CADM2: variants seen among roughly 807,000 people sequenced by gnomAD.
CADM2 encodes the protein cell adhesion molecule 2.
A neutral mutation model predicts 49.8 loss-of-function variants in CADM2; 12 were observed. The ratio of observed to expected loss-of-function variants is 0.24; its 90% confidence interval spans 0.15 to 0.39. The LOEUF is 0.39. Ranked by LOEUF, CADM2 falls within the 10% of genes least tolerant of loss-of-function variation. The pLI, the probability that CADM2 is intolerant of heterozygous loss-of-function variation, is 1.00. For synonymous variants in CADM2, 214 were observed against 175.4 expected, an observed-to-expected ratio of 1.22 and a Z score of -1.74; for missense variants, 378 against 492.3, an observed-to-expected ratio of 0.77 and a Z score of 2.20.
chr3:85,469,165 TGA>T (rs1407650844), intron 1 of CADM2, among the ~76,000 whole-genome samples: 1 of 152,180 alleles, frequency 6.6e-6, no homozygotes, highest in African/African-American at 2.4e-5. Context: ...ACATGGAATA[TGA>T]GAGTTTTTGA....
chr3:85,423,464 G>A (rs1162065367), intron 1 of CADM2, among the ~76,000 whole-genome samples: 1 of 152,038 alleles, frequency 6.6e-6, no homozygotes, highest in Non-Finnish European at 1.5e-5. Flanking sequence ...CTTAGCTTTT[G>A]TCTGTTTGTA....
chr3:85,100,167 T>G (rs542221493), intron 1 of CADM2, among the ~76,000 whole-genome samples: 2 of 152,316 alleles, frequency 1.3e-5, no homozygotes, highest in East Asian at 1.9e-4. Flanking sequence ...ATGGATTTCT[T>G]GTATTTCTTT....
chr3:86,009,831 A>G (rs1462887863), intron 8 of CADM2, among the ~76,000 whole-genome samples: 1 of 151,912 alleles, frequency 6.6e-6, no homozygotes, highest in Non-Finnish European at 1.5e-5. Flanking sequence ...TATATACAAC[A>G]TGATGTTTTG....
chr3:85,823,214 A>G (rs1379886896), intron 3 of CADM2, among the ~76,000 whole-genome samples: 1 of 152,218 alleles, frequency 6.6e-6, no homozygotes, highest in African/African-American at 2.4e-5. Flanking sequence ...CTATGTTATT[A>G]CATAATAAAT....
intron 1 of CADM2, among the ~76,000 whole-genome samples, chr3:84,975,378 G>T (rs2031752389): frequency 1.3e-5 from 2 of 151,482 alleles, no homozygotes; most frequent in South Asian, 2.1e-4. Context: ...ACTTATAAGG[G>T]ATTGCATTTT....
chr3:85,172,832 AAT>A (rs925469756), intron 1 of CADM2, among the ~76,000 whole-genome samples: 3 of 146,926 alleles, frequency 2.0e-5, no homozygotes, highest in African/African-American at 7.4e-5. Context: ...GATTATATAT[AAT>A]ATATATATTA....
At chr3:85,518,240 C>G (rs2060950105) in intron 1 of CADM2, among the ~76,000 whole-genome samples, 1 of 152,202 alleles carries the variant, frequency 6.6e-6, no homozygotes, top group Non-Finnish European at 1.5e-5. Flanking sequence ...ATCCTCCCAC[C>G]TCAGTCTCCC....
At chr3:85,854,790 T>TA (rs2075244068) in intron 3 of CADM2, among the ~76,000 whole-genome samples, 1 of 152,084 alleles carries the variant, frequency 6.6e-6, no homozygotes, top group African/African-American at 2.4e-5. Context: ...AAAACAAATT[T>TA]AAAAACCACA....
intron 1 of CADM2, among the ~76,000 whole-genome samples, chr3:85,500,408 T>G (rs1200346125): frequency 6.6e-6 from 1 of 152,182 alleles, no homozygotes; most frequent in Non-Finnish European, 1.5e-5. Flanking sequence ...TATACTTTAA[T>G]TGGTAAAGTT....
chr3:85,218,525 T>G (rs1455921857), intron 1 of CADM2, among the ~76,000 whole-genome samples: 1 of 152,092 alleles, frequency 6.6e-6, no homozygotes, highest in Non-Finnish European at 1.5e-5. Context: ...AGGTAAAGTG[T>G]ACAGGCTCAC....
intron 8 of CADM2, among the ~76,000 whole-genome samples, chr3:86,018,698 T>A: frequency 6.6e-6 from 1 of 152,214 alleles, no homozygotes; most frequent in Non-Finnish European, 1.5e-5. Flanking sequence ...TCTGTTCATG[T>A]CCTTCGCCCA....
At chr3:85,334,040 A>T (rs2045010258) in intron 1 of CADM2, among the ~76,000 whole-genome samples, 1 of 151,738 alleles carries the variant, frequency 6.6e-6, no homozygotes, top group South Asian at 2.1e-4. Flanking sequence ...AAATGAAATA[A>T]GTGTATATTA....
rs143781107 is a variant in CADM2 at position 85,334,337 on chromosome 3, A to G, written c.61+374669A>G. Among the ~76,000 whole-genome samples, 511 of 151,700 alleles carry G rather than the reference A, an allele frequency of 3.4e-3. 1 individual carries two copies. Among genetic ancestry groups the G allele is most frequent in the South Asian group, 0.012 (58 of 4,818 alleles). ...CTAATGATGTCTCAGGCTTACATCT[A>G]AAAAATGACATATGGACTTCAGAAT... On this transcript the variant is annotated intron_variant, in intron 1 of 9. Coordinates refer to ENST00000383699, the MANE Select transcript of CADM2 (RefSeq NM_001167675.2).
At chr3:85,343,681 C>T (rs888688898) in intron 1 of CADM2, among the ~76,000 whole-genome samples, 1 of 152,120 alleles carries the variant, frequency 6.6e-6, no homozygotes, top group Non-Finnish European at 1.5e-5. Flanking sequence ...AGCCAATGCT[C>T]AATTTTGTTG....
chr3:85,925,860 G>A (rs1440347952), intron 6 of CADM2, among the ~76,000 whole-genome samples: 7 of 151,956 alleles, frequency 4.6e-5, no homozygotes, highest in African/African-American at 1.2e-4. Context: ...AAAATAGGCC[G>A]GGCACAGTGG....
At chr3:85,256,463 A>AAAAGAGCTACAATTCTG (rs1295382452) in intron 1 of CADM2, among the ~76,000 whole-genome samples, 1 of 152,098 alleles carries the variant, frequency 6.6e-6, no homozygotes, top group South Asian at 2.1e-4. Flanking sequence ...CTCCTATTCA[A>AAAAGAGCTACAATTCTG]AAAGAGCTAC....
chr3:85,545,918 T>G (rs988878217), intron 1 of CADM2, among the ~76,000 whole-genome samples: 17 of 152,202 alleles, frequency 1.1e-4, no homozygotes, highest in African/African-American at 4.1e-4. Context: ...AGCATATAGA[T>G]TAAAATGCCT....
At chr3:85,620,076 G>A (rs9816536) in intron 1 of CADM2, among the ~76,000 whole-genome samples, 66,497 of 151,940 alleles carry the variant, frequency 0.44, 16,219 homozygotes, top group African/African-American at 0.66. Flanking sequence ...ACTATTTGCA[G>A]GCAGCATTGA....
At chr3:85,794,798 A>G (rs370324290) in intron 2 of CADM2, among the ~76,000 whole-genome samples, 18 of 152,074 alleles carry the variant, frequency 1.2e-4, no homozygotes, top group African/African-American at 4.1e-4. Flanking sequence ...ACTCTCTCCT[A>G]AAGTATCTAA....
Sources: gnomAD v4.1 joint callset for allele counts (sites outside exome capture counted in the v4.1 genomes callset) on GRCh38, gnomAD v4.1.1 for gene constraint, MANE v1.5 for transcripts, NCBI Gene and HGNC (gene_info 2026-07-23, HGNC 2026-07-21) for gene names.